Variants in MARVELD3 observed in about 807,000 individuals in gnomAD.
MARVELD3 encodes MARVEL domain containing 3, also known as MARVEL domain-containing protein 3.
A neutral mutation model predicts 33.5 loss-of-function variants in MARVELD3; 28 were observed. That is an observed-to-expected ratio of 0.84 (90% confidence interval 0.62 to 1.15). MARVELD3 has a LOEUF of 1.15. MARVELD3 is among the 50% of genes most tolerant of loss of function. The pLI, the probability that MARVELD3 is intolerant of heterozygous loss-of-function variation, is 0.00. For missense variants in MARVELD3, 582 were observed against 547.6 expected (o/e 1.06, Z -0.63); for synonymous variants, 241 against 230.4 (o/e 1.05, Z -0.42).
intron 2 of MARVELD3, among the ~76,000 whole-genome samples, chr16:71,632,742 G>A (rs899079653): frequency 2.0e-5 from 3 of 151,866 alleles, no homozygotes; most frequent in Non-Finnish European, 2.9e-5. Flanking sequence ...CTCCTGAGGA[G>A]CTGAGATTAC....
downstream of MARVELD3, among the ~76,000 whole-genome samples, chr16:71,637,367 T>C (rs542394455): frequency 6.3e-4 from 96 of 152,224 alleles, no homozygotes; most frequent in African/African-American, 1.9e-3. Context: ...AATATTAACG[T>C]CCATGAAGAA....
At chr16:71,628,263 G>A (rs963717582) in intron 1 of MARVELD3, among the ~76,000 whole-genome samples, 13 of 152,172 alleles carry the variant, frequency 8.5e-5, no homozygotes, top group African/African-American at 2.7e-4. Flanking sequence ...AGCCGGACGC[G>A]GTGGCTCACA....
rs1243826874 is a variant in MARVELD3 at position 71,626,220 on chromosome 16, G to A, written c.-10G>A. 6.8e-7 allele frequency: 1 copy of A among 1,461,442 alleles called. No homozygotes were observed. The highest frequency in any genetic ancestry group is 2.7e-5 in the Admixed American group (1 of 36,690). 90.5% of individuals were successfully genotyped at this position (1,461,442 alleles called of 1,614,324 possible). ...CAGGTCGCTCCCGGGCGGGGACACG[G>A]AACCCGGCCATGGAAGATCCGTCGG... is the stretch of plus-strand genomic sequence containing the variant. On this transcript the variant is annotated 5_prime_UTR_variant, in exon 1 of 3. Coordinates refer to ENST00000268485, the MANE Select transcript of MARVELD3 (RefSeq NM_052858.6). The surrounding 1 kb of genome is among the most constrained non-coding windows in gnomAD (Gnocchi z 5.3).
chr16:71,629,169 G>C (rs1274398097), intron 1 of MARVELD3, 198 bp from the exon 2 acceptor site: 1 of 541,126 alleles, frequency 1.8e-6, no homozygotes, highest in East Asian at 3.6e-5. Flanking sequence ...CTGTCACGTG[G>C]TTAGTGGAGC....
At position 71,626,302 on chromosome 16, in the gene MARVELD3, C is replaced by T. The variant is rs1468345449; in HGVS notation, c.73C>T (p.Pro25Ser). 1.3e-6 allele frequency: 2 copies of T among 1,547,470 alleles called. No homozygotes were observed. The highest frequency in any genetic ancestry group is 2.7e-5 in the African/African-American group (2 of 72,944). The change falls in exon 1 of 3, where the codon CCA becomes TCA. Residue 25 changes from proline (P) to serine (S), a missense_variant. Coordinates refer to ENST00000268485, the MANE Select transcript of MARVELD3 (RefSeq NM_052858.6). The surrounding 1 kb of genome is among the most constrained non-coding windows in gnomAD (Gnocchi z 5.3). ...GCGGGACCCGGGACGGCGCCCCCAC[C>T]CAGACCAAGGCCGCACCCACGATCG... The part of the protein sequence containing the change: ...RERDPGRRPH[P>S]DQGRTHDRPR...
chr16:71,626,697 G>A lies in MARVELD3; in HGVS notation c.467+1G>A. The A allele has an allele frequency of 6.8e-7, 1 of 1,473,136 alleles. No individual in the cohort carries two copies. The highest frequency in any genetic ancestry group is 1.4e-5 in the South Asian group (1 of 71,888). 91.3% of individuals were successfully genotyped at this position (1,473,136 alleles called of 1,614,324 possible). On this transcript the variant is annotated splice_donor_variant, in intron 1 of 2. Transcript: ENST00000268485. LOFTEE classifies it high-confidence loss of function. This position sits in a 1 kb window ranked among gnomAD's most constrained non-coding sequence, Gnocchi z 5.3. ...ACCCCGGGCGCCGCAGACCCGAAAGGTGAGAGGGGCCGGGGCGCTGCGACC... is the reference window on the plus strand; with the variant it reads ...ACCCCGGGCGCCGCAGACCCGAAAGATGAGAGGGGCCGGGGCGCTGCGACC...
In MARVELD3 at chr16:71,636,159, A is replaced by AGTTTTT. The variant is rs1307784958; in HGVS notation, c.*1359_*1360insTTTGTT. ...AATATATTCTCGGTCCAAGTGAGTA[A>AGTTTTT]GTTCTTTGCTTTATGTGAATCCAAT... On this transcript the variant is annotated 3_prime_UTR_variant, in exon 3 of 3. Coordinates refer to ENST00000268485, the MANE Select transcript of MARVELD3 (RefSeq NM_052858.6). 1.0e-6 allele frequency: 1 copy of AGTTTTT among 985,062 alleles called. No individual in the cohort carries two copies. The highest frequency in any genetic ancestry group is 1.2e-6 in the Non-Finnish European group (1 of 829,716). 61.0% of individuals were successfully genotyped at this position (985,062 alleles called of 1,614,324 possible).
downstream of MARVELD3, chr16:71,640,443 G>C (rs1352874474): frequency 6.2e-7 from 1 of 1,614,102 alleles, no homozygotes; most frequent in Non-Finnish European, 8.5e-7. Flanking sequence ...CATATGCATC[G>C]TGGCCTCCTA....
chr16:71,633,354 T>A lies in MARVELD3; in HGVS notation c.596-839T>A, dbSNP rs533191101. On this transcript the variant is annotated intron_variant, in intron 2 of 2. Transcript: ENST00000268485. ...TCCAGCCTAGGTGACAGAGACCTTG[T>A]CTCAAAAAAGAAGAGACAACTTGTT... Among the ~76,000 whole-genome samples, 18 of 152,216 alleles carry A rather than the reference T, an allele frequency of 1.2e-4. 1 individual carries two copies. In the East Asian group the frequency reaches 3.3e-3, roughly 28 times the overall value.
downstream of MARVELD3, chr16:71,638,117 C>T (rs913624982): frequency 2.6e-5 from 4 of 152,168 alleles, no homozygotes; most frequent in Non-Finnish European, 2.9e-5. Flanking sequence ...CTGAACACCA[C>T]GGGAATGGCA....
intron 1 of MARVELD3, among the ~76,000 whole-genome samples, chr16:71,628,800 A>G (rs2044500066): frequency 6.6e-6 from 1 of 152,134 alleles, no homozygotes; most frequent in South Asian, 2.1e-4. Flanking sequence ...CCTGGCAAGT[A>G]GAATGCAGCC....
rs747341196 is a variant in MARVELD3 at position 71,634,554 on chromosome 16, G to A, written c.957G>A (p.Pro319=). ...LDMLIAGGYI[P]ALYFYFHYLS... is the part of the protein sequence containing the mutation. ...TGCTCATCGCGGGGGGGTACATCCCGGCCTTGTACTTCTACTTCCACTACC... is the reference window on the plus strand; with the variant it reads ...TGCTCATCGCGGGGGGGTACATCCCAGCCTTGTACTTCTACTTCCACTACC... The change falls in exon 3 of 3, where the codon CCG becomes CCA. Residue 319 remains proline (P), a synonymous_variant. Transcript: ENST00000268485. The A allele has an allele frequency of 3.8e-5, 61 of 1,614,146 alleles. No homozygotes were observed. The highest frequency in any genetic ancestry group is 4.6e-5 in the Non-Finnish European group (54 of 1,180,028).
chr16:71,630,572 C>T (rs1325227620), intron 2 of MARVELD3, among the ~76,000 whole-genome samples: 2 of 150,482 alleles, frequency 1.3e-5, no homozygotes, highest in African/African-American at 4.9e-5. Context: ...TGCAGTGAGC[C>T]AAGATTTCGC....
At position 71,626,902 on chromosome 16, in the gene MARVELD3, A is replaced by C; in HGVS notation, c.467+206A>C. 1.1e-5 allele frequency: 5 copies of C among 468,146 alleles called. No individual in the cohort carries two copies. Among genetic ancestry groups the C allele is most frequent in the African/African-American group, 2.1e-5 (1 of 48,440 alleles). 29.0% of individuals were successfully genotyped at this position (468,146 alleles called of 1,614,324 possible). ...CCTTCTCGTGGCCTGAACCCAACTA[A>C]CAAAGCAAAAACCACCCCTGTGAGC... On this transcript the variant is annotated intron_variant, in intron 1 of 2. Coordinates refer to ENST00000268485, the MANE Select transcript of MARVELD3 (RefSeq NM_052858.6). The surrounding 1 kb of genome is among the most constrained non-coding windows in gnomAD (Gnocchi z 5.3).
chr16:71,628,406 G>A (rs1399668692), intron 1 of MARVELD3, among the ~76,000 whole-genome samples: 3 of 152,110 alleles, frequency 2.0e-5, no homozygotes, highest in African/African-American at 4.8e-5. Context: ...GCGCGGTGGC[G>A]CACGCCTGTA....
chr16:71,629,327 G>A, intron 1 of MARVELD3, 40 bp from the exon 2 acceptor site: 1 of 1,508,410 alleles, frequency 6.6e-7, no homozygotes, highest in Non-Finnish European at 8.8e-7. Context: ...GCTATTGAAT[G>A]AGACACCCCC....
At position 71,626,306 on chromosome 16, in the gene MARVELD3, A is replaced by AC; in HGVS notation, c.79dup (p.Gln27ProfsTer77). On this transcript the variant is annotated frameshift_variant, in exon 1 of 3. Transcript: ENST00000268485. LOFTEE classifies it high-confidence loss of function. This position sits in a 1 kb window ranked among gnomAD's most constrained non-coding sequence, Gnocchi z 5.3. ...GACCCGGGACGGCGCCCCCACCCAG[A>AC]CCAAGGCCGCACCCACGATCGACCG... The AC allele has an allele frequency of 6.5e-7, 1 of 1,548,028 alleles. No homozygotes were observed. Among genetic ancestry groups the AC allele is most frequent in the Non-Finnish European group, 8.7e-7 (1 of 1,146,460 alleles).
intron 1 of MARVELD3, among the ~76,000 whole-genome samples, chr16:71,628,485 T>G (rs776131117): frequency 1.3e-5 from 2 of 150,316 alleles, no homozygotes; most frequent in African/African-American, 4.9e-5. Context: ...TGCAGTGAGC[T>G]GAGATCTCGA....
rs570198238 is a variant in MARVELD3, at chr16:71,635,910, A to G, written c.*1107A>G. 13 of 985,426 alleles carry G rather than the reference A, an allele frequency of 1.3e-5. No homozygotes were observed. The highest frequency in any genetic ancestry group is 3.5e-5 in the African/African-American group (2 of 57,362). 61.0% of individuals were successfully genotyped at this position (985,426 alleles called of 1,614,324 possible). On this transcript the variant is annotated 3_prime_UTR_variant, in exon 3 of 3. Transcript: ENST00000268485. The stretch of plus-strand genomic sequence containing the variant: ...CCCTTACAGTGGCCCTGAAAGCTCA[A>G]TAAGTGTTTTGTACCTCTTGTAAAT...
Sources: gnomAD v4.1 joint callset for allele counts (sites outside exome capture counted in the v4.1 genomes callset) on GRCh38, gnomAD v4.1.1 for gene constraint, Gnocchi (gnomAD v3.1) non-coding constraint, MANE v1.5 for transcripts, NCBI Gene and HGNC (gene_info 2026-07-23, HGNC 2026-07-21) for gene names.